BIN1: variants seen among roughly 807,000 people sequenced by gnomAD.
BIN1 encodes the protein bridging integrator 1, also known as myc box-dependent-interacting protein 1.
A neutral mutation model predicts 82.0 loss-of-function variants in BIN1; 53 were observed. The observed-to-expected ratio is 0.65, with a 90% CI of 0.52 to 0.81. BIN1 has a LOEUF of 0.81. Among genes scored for constraint, BIN1 ranks in the 40% least tolerant of loss-of-function variants. BIN1 has a pLI of 0.00. For synonymous variants in BIN1, 302 were observed against 328.0 expected (o/e 0.92, Z 0.86); for missense variants, 642 against 784.4 (o/e 0.82, Z 2.17).
At chr2:127,071,807 C>T (rs560874390) in intron 2 of BIN1, among the ~76,000 whole-genome samples, 79 of 152,342 alleles carry the variant, frequency 5.2e-4, no homozygotes, top group Non-Finnish European at 1.0e-3. Context: ...CCTCTCTGAA[C>T]CTCAGTCTCC....
Position 127,064,027 on chromosome 2 carries a change from C to A in BIN1, c.613-9G>T, listed in dbSNP as rs1009608542. ...ATGAGCTCCTCCTCGGCCTGGGGGG[C>A]AGCACGGGTCATTCCCCTCTGTTGG... On this transcript the variant is annotated splice_polypyrimidine_tract_variant and intron_variant, in intron 7 of 18. Transcript: ENST00000316724. 1.2e-5 allele frequency: 19 copies of A among 1,613,632 alleles called. No homozygotes were observed. In the African/African-American group the frequency reaches 1.6e-4, roughly 14 times the overall value.
At chr2:127,051,107 G>C (rs1682884473) in intron 16 of BIN1, 47 bp downstream of exon 16, 1 of 1,606,674 alleles carries the variant, frequency 6.2e-7, no homozygotes, top group African/African-American at 1.3e-5. Flanking sequence ...GGACAGGCAG[G>C]CGGGCGGCAG....
rs771903574 is a variant in BIN1 at position 127,057,995 on chromosome 2, C to T, written c.1003-394G>A. Among the ~76,000 whole-genome samples, 3 of 152,150 alleles carry T rather than the reference C, an allele frequency of 2.0e-5. No individual in the cohort carries two copies. Among genetic ancestry groups the T allele is most frequent in the Non-Finnish European group, 2.9e-5 (2 of 68,016 alleles). ...AAGCAAACAGTCGTTGAGAGACAGCCGGGCCCCAGCCTCCCCCTGCCCACC... is the reference window on the plus strand; with the variant it reads ...AAGCAAACAGTCGTTGAGAGACAGCTGGGCCCCAGCCTCCCCCTGCCCACC... On this transcript the variant is annotated intron_variant, in intron 11 of 18. Coordinates refer to ENST00000316724, the MANE Select transcript of BIN1 (RefSeq NM_139343.3). The surrounding 1 kb of genome is among the most constrained non-coding windows in gnomAD (Gnocchi z 5.0).
intron 1 of BIN1, among the ~76,000 whole-genome samples, chr2:127,096,659 C>T (rs534318232): frequency 1.3e-5 from 2 of 152,344 alleles, no homozygotes; most frequent in African/African-American, 4.8e-5. Flanking sequence ...CCATCACCTG[C>T]ATCTGGCCCC....
In BIN1 at chr2:127,057,824, G is replaced by A. The variant is rs1431097238; in HGVS notation, c.1003-223C>T. On this transcript the variant is annotated intron_variant, in intron 11 of 18. Transcript: ENST00000316724. This position sits in a 1 kb window ranked among gnomAD's most constrained non-coding sequence, Gnocchi z 5.0. ...CCCCGAGAGGGACACTGAGGCAGGC[G>A]GTCCAGAAACGCTGTGTGGAGAGAG... Among the ~76,000 whole-genome samples, 7 of 151,722 alleles carry A rather than the reference G, an allele frequency of 4.6e-5. No individual in the cohort carries two copies. The highest frequency in any genetic ancestry group is 7.3e-5 in the African/African-American group (3 of 41,252).
At chr2:127,079,997 G>C (rs189265032) in intron 1 of BIN1, among the ~76,000 whole-genome samples, 20 of 152,350 alleles carry the variant, frequency 1.3e-4, no homozygotes, top group Admixed American at 1.2e-3. Context: ...CAGTGCCCCC[G>C]CCTTGGAAAT....
intron 14 of BIN1, chr2:127,052,589 C>G: frequency 1.7e-6 from 1 of 572,918 alleles, no homozygotes; most frequent in Non-Finnish European, 3.1e-6. Flanking sequence ...TCAGCACCTA[C>G]CGAAATCCAC....
intron 10 of BIN1, among the ~76,000 whole-genome samples, chr2:127,060,272 G>A (rs1684262980): frequency 6.6e-6 from 1 of 152,340 alleles, no homozygotes; most frequent in Admixed American, 6.5e-5. Context: ...GTGCTGCAGT[G>A]TCACCTCCCT....
At chr2:127,097,400 G>A (rs1471147386) in intron 1 of BIN1, among the ~76,000 whole-genome samples, 1 of 151,256 alleles carries the variant, frequency 6.6e-6, no homozygotes, top group Non-Finnish European at 1.5e-5. Context: ...TCCAGGCCCA[G>A]CAGCGTCACC....
intron 18 of BIN1, 173 bp downstream of exon 18, chr2:127,050,248 G>T: frequency 3.0e-6 from 2 of 675,688 alleles, no homozygotes; most frequent in Non-Finnish European, 2.7e-6. Context: ...GGAGAGGAGA[G>T]GGAGAGAGGA....
intron 14 of BIN1, chr2:127,052,864 T>G (rs548242626): frequency 2.1e-5 from 5 of 241,570 alleles, no homozygotes; most frequent in Non-Finnish European, 4.1e-5. Flanking sequence ...TGAGCCTCTG[T>G]GTCCTGAGCT....
rs142523172 is a variant in BIN1 at position 127,050,484 on chromosome 2, G to A, written c.1611C>T (p.Asp537=). 462 of 1,614,236 alleles carry A rather than the reference G, an allele frequency of 2.9e-4. 3 individuals are homozygous for A. In the African/African-American group the frequency reaches 3.2e-3, roughly 11 times the overall value. The change falls in exon 18 of 19, where the codon GAC becomes GAT. Residue 537 remains aspartate, a synonymous_variant. Coordinates refer to ENST00000316724, the MANE Select transcript of BIN1 (RefSeq NM_139343.3). ...AQHDYTATDT[D]ELQLKAGDVV... ...CATCACCAGCCTTGAGCTGCAGCTCGTCTGTGTCAGTGGCCGTGTAGTCGT... is the reference window on the plus strand; with the variant it reads ...CATCACCAGCCTTGAGCTGCAGCTCATCTGTGTCAGTGGCCGTGTAGTCGT...
chr2:127,073,037 C>T (rs905619648), intron 2 of BIN1, among the ~76,000 whole-genome samples: 9 of 152,252 alleles, frequency 5.9e-5, no homozygotes, highest in African/African-American at 1.9e-4. Flanking sequence ...CCCCCCACAG[C>T]AGGGGTCCCC....
rs764789789 is a variant in BIN1 at position 127,050,924 on chromosome 2, G to C, written c.1462-12C>G. On this transcript the variant is annotated splice_polypyrimidine_tract_variant and intron_variant, in intron 16 of 18. Transcript: ENST00000316724. ...GCAGGAAGAGAGCTCTGGTGGCAGAGGTACGGGTCAGCTGAGCAGGGAGGT... is the reference window on the plus strand; with the variant it reads ...GCAGGAAGAGAGCTCTGGTGGCAGACGTACGGGTCAGCTGAGCAGGGAGGT... The C allele has an allele frequency of 1.2e-6, 2 of 1,612,350 alleles. No homozygotes were observed. The highest frequency in any genetic ancestry group is 1.3e-5 in the African/African-American group (1 of 74,884).
intron 1 of BIN1, among the ~76,000 whole-genome samples, chr2:127,086,503 CT>C (rs907253482): frequency 2.6e-5 from 4 of 151,386 alleles, no homozygotes; most frequent in Non-Finnish European, 4.4e-5. Context: ...GGTAATCCAT[CT>C]TTTTTTCTTT....
At chr2:127,104,537 C>T (rs1308247513) in intron 1 of BIN1, among the ~76,000 whole-genome samples, 1 of 152,214 alleles carries the variant, frequency 6.6e-6, no homozygotes, top group African/African-American at 2.4e-5. Flanking sequence ...ACAGCTCCTG[C>T]CATCCTTGCT....
At chr2:127,053,508 C>A in intron 13 of BIN1, 63 bp from the exon 14 acceptor site, 1 of 1,596,706 alleles carries the variant, frequency 6.3e-7, no homozygotes, top group Non-Finnish European at 8.5e-7. Flanking sequence ...GGGCGGCAAG[C>A]AGTCCCCAGG....
Position 127,048,038 on chromosome 2 carries a change from T to A in BIN1, c.*488A>T. 1 of 189,432 alleles carries A rather than the reference T, an allele frequency of 5.3e-6. No homozygotes were observed. 11.7% of individuals were successfully genotyped at this position (189,432 alleles called of 1,614,324 possible). On this transcript the variant is annotated 3_prime_UTR_variant, in exon 19 of 19. Coordinates refer to ENST00000316724, the MANE Select transcript of BIN1 (RefSeq NM_139343.3). ...CAAATACACACACGTTTTCTGAGAG[T>A]TTTTATCATTTTTTTTTTGTTTCAT...
At position 127,068,902 on chromosome 2, in the gene BIN1, C is replaced by G. The variant is rs777468269; in HGVS notation, c.519+22G>C. 1.2e-6 allele frequency: 2 copies of G among 1,606,950 alleles called. No homozygotes were observed. Among genetic ancestry groups the G allele is most frequent in the East Asian group, 4.5e-5 (2 of 44,852 alleles). ...CTCTCAGCCCCCTGCAGACGCTGCC[C>G]CGACCCGCCTCCAGCCCTTACCTTG... On this transcript the variant is annotated intron_variant, in intron 6 of 18. Coordinates refer to ENST00000316724, the MANE Select transcript of BIN1 (RefSeq NM_139343.3). This position sits in a 1 kb window ranked among gnomAD's most constrained non-coding sequence, Gnocchi z 4.9.
Sources: gnomAD v4.1 joint callset for allele counts (sites outside exome capture counted in the v4.1 genomes callset) on GRCh38, gnomAD v4.1.1 for gene constraint, Gnocchi (gnomAD v3.1) non-coding constraint, MANE v1.5 for transcripts, NCBI Gene and HGNC (gene_info 2026-07-23, HGNC 2026-07-21) for gene names.